The following TOP6BL variants were observed in gnomAD, a reference collection of about 807,000 sequenced individuals.
TOP6BL encodes the protein TOP6B like initiator of meiotic double strand breaks.
At chr11:66,843,249 CG>C in the TOP6BL span, 1 of 1,607,006 alleles carries the variant, frequency 6.2e-7, no homozygotes, top group Non-Finnish European at 8.5e-7. Flanking sequence ...GGTCCCCTTC[CG>C]CAAGCGCCCA....
the TOP6BL span, among the ~76,000 whole-genome samples, chr11:66,807,293 C>T: frequency 2.6e-5 from 4 of 152,116 alleles, no homozygotes; most frequent in Admixed American, 6.5e-5. Context: ...AAAAGCAGGC[C>T]GGGTGTGGTG....
the TOP6BL span, among the ~76,000 whole-genome samples, chr11:66,747,098 G>A: frequency 7.9e-5 from 12 of 151,750 alleles, no homozygotes; most frequent in African/African-American, 2.7e-4. Flanking sequence ...CACCACACCC[G>A]GCTAATTTTT....
At chr11:66,751,993 G>T in the TOP6BL span, among the ~76,000 whole-genome samples, 1 of 152,016 alleles carries the variant, frequency 6.6e-6, no homozygotes, top group African/African-American at 2.4e-5. Context: ...CTCTTTTCCA[G>T]TGTATCCTGA....
the TOP6BL span, among the ~76,000 whole-genome samples, chr11:66,789,793 C>G: frequency 6.6e-6 from 1 of 152,128 alleles, no homozygotes; most frequent in Non-Finnish European, 1.5e-5. Context: ...AGTTGAGATT[C>G]AGAGAACTTG....
At chr11:66,782,949 A>T in the TOP6BL span, among the ~76,000 whole-genome samples, 6 of 152,176 alleles carry the variant, frequency 3.9e-5, no homozygotes, top group Admixed American at 6.5e-5. Flanking sequence ...ATGTAAACTC[A>T]TGTTTAAATG....
chr11:66,759,388 T>C, the TOP6BL span, among the ~76,000 whole-genome samples: 2 of 152,214 alleles, frequency 1.3e-5, no homozygotes, highest in Non-Finnish European at 2.9e-5. Flanking sequence ...CTGTATACTC[T>C]GTATACAACT....
At chr11:66,843,114 C>G in the TOP6BL span, 1 of 1,600,452 alleles carries the variant, frequency 6.2e-7, no homozygotes, top group Non-Finnish European at 8.5e-7. Context: ...GCAGGAGGTG[C>G]AGGCCACGGG....
chr11:66,829,330 C>A, the TOP6BL span, among the ~76,000 whole-genome samples: 1 of 152,040 alleles, frequency 6.6e-6, no homozygotes, highest in Non-Finnish European at 1.5e-5. Context: ...AATCCCAGCA[C>A]TTTGGGAGGC....
chr11:66,753,787 C>T, the TOP6BL span, among the ~76,000 whole-genome samples: 1 of 151,974 alleles, frequency 6.6e-6, no homozygotes, highest in East Asian at 1.9e-4. Flanking sequence ...TCACTGCAAC[C>T]TCCACCTCCC....
the TOP6BL span, among the ~76,000 whole-genome samples, chr11:66,746,309 C>T: frequency 6.6e-6 from 1 of 151,918 alleles, no homozygotes; most frequent in African/African-American, 2.4e-5. Flanking sequence ...TGGGAGTTGG[C>T]CGGGCGCGGT....
chr11:66,801,324 T>G, the TOP6BL span, among the ~76,000 whole-genome samples: 2 of 152,220 alleles, frequency 1.3e-5, no homozygotes, highest in African/African-American at 4.8e-5. Flanking sequence ...ACATGTGCCT[T>G]CTTCTCTTCA....
the TOP6BL span, among the ~76,000 whole-genome samples, chr11:66,820,419 C>G: frequency 6.6e-6 from 1 of 152,182 alleles, no homozygotes; most frequent in South Asian, 2.1e-4. Context: ...TCCAGGTGAC[C>G]TGTAAATTTG....
At chr11:66,761,631 G>C in the TOP6BL span, 1 of 1,213,230 alleles carries the variant, frequency 8.2e-7, no homozygotes, top group Non-Finnish European at 1.1e-6. Context: ...TACGCCTGGT[G>C]CTCCGGGGCT....
At chr11:66,745,507 C>T in the TOP6BL span, among the ~76,000 whole-genome samples, 1 of 152,212 alleles carries the variant, frequency 6.6e-6, no homozygotes, top group Admixed American at 6.5e-5. Context: ...GCGCCTGGCG[C>T]CGGCCACGCC....
chr11:66,757,151 C>T, the TOP6BL span, among the ~76,000 whole-genome samples: 3 of 151,790 alleles, frequency 2.0e-5, no homozygotes, highest in Non-Finnish European at 4.4e-5. Context: ...GAGACCAGCC[C>T]GCCCAACATA....
the TOP6BL span, among the ~76,000 whole-genome samples, chr11:66,820,789 C>G: frequency 6.6e-6 from 1 of 152,154 alleles, no homozygotes; most frequent in Non-Finnish European, 1.5e-5. Flanking sequence ...GTATATATTT[C>G]TGCTATGAAT....
chr11:66,842,806 C>G, the TOP6BL span: 1 of 1,513,630 alleles, frequency 6.6e-7, no homozygotes, highest in South Asian at 1.2e-5. Flanking sequence ...GCTCCTAGCA[C>G]AGGGCCATGA....
At chr11:66,813,878 G>A in the TOP6BL span, 1 of 1,613,826 alleles carries the variant, frequency 6.2e-7, no homozygotes, top group Non-Finnish European at 8.5e-7. Flanking sequence ...TTTCTATATG[G>A]ACCTTTGGGT....
chr11:66,818,771 A>G, the TOP6BL span, among the ~76,000 whole-genome samples: 1 of 152,200 alleles, frequency 6.6e-6, no homozygotes, highest in African/African-American at 2.4e-5. Context: ...GTCAGAAGGT[A>G]ATCCTTGGAT....
Sources: gnomAD v4.1 joint callset for allele counts (sites outside exome capture counted in the v4.1 genomes callset) on GRCh38, gnomAD v4.1.1 for gene constraint, MANE v1.5 for transcripts, NCBI Gene and HGNC (gene_info 2026-07-23, HGNC 2026-07-21) for gene names.